The following NRK variants were observed in gnomAD, a reference collection of about 807,000 sequenced individuals.
NRK encodes the protein nik-related protein kinase.
A neutral mutation model predicts 125.2 loss-of-function variants in NRK; 67 were observed. The ratio of observed to expected loss-of-function variants is 0.54; its 90% CI spans 0.44 to 0.66. NRK has a LOEUF of 0.66. NRK is among the 30% of genes least tolerant of loss of function. The pLI is 0.00. For missense variants in NRK, 1,224 were observed against 1,192.9 expected, an observed-to-expected ratio of 1.03 and a Z score of -0.38; for synonymous variants, 458 against 429.0, an observed-to-expected ratio of 1.07 and a Z score of -0.84.
chrX:105,926,133 A>G (rs900625401), intron 19 of NRK, among the ~76,000 whole-genome samples: 5 of 111,422 alleles, frequency 4.5e-5, no homozygotes, highest in African/African-American at 1.6e-4. Context: ...TTTGATAATA[A>G]CCATTCTAAC....
chrX:105,867,067 C>T (rs777473040), intron 2 of NRK, among the ~76,000 whole-genome samples: 1 of 111,060 alleles, frequency 9.0e-6, no homozygotes, highest in African/African-American at 3.3e-5. Context: ...AAAAATTATT[C>T]TTGCTCAATC....
At chrX:105,937,196 A>G (rs1357633602) in intron 21 of NRK, among the ~76,000 whole-genome samples, 1 of 110,194 alleles carries the variant, frequency 9.1e-6, no homozygotes, top group African/African-American at 3.3e-5. Context: ...TAGAGAGTAC[A>G]TAGTTACACA....
At chrX:105,954,617 C>G (rs1038733069) in intron 28 of NRK, among the ~76,000 whole-genome samples, 4 of 110,859 alleles carry the variant, frequency 3.6e-5, no homozygotes, top group Non-Finnish European at 5.7e-5. Context: ...ATTAGAGACT[C>G]CCTGCTTCCC....
chrX:105,922,057 T>A lies in NRK; in HGVS notation c.2606T>A (p.Ile869Asn), dbSNP rs1314624431. ...STIDQKLLVDIHVPDGFKVGK... is the reference protein window; with the variant it reads ...STIDQKLLVDNHVPDGFKVGK... ...ATTGATCAGAAGTTGCTGGTTGACA[T>A]CCATGTAAGTTTCCATCTTAACACA... The change falls in exon 17 of 29, where the codon ATC becomes AAC. Residue 869 changes from isoleucine (I) to asparagine (N), a missense_variant. Ile to Asn is a moderately radical substitution (Grantham distance 149). Transcript: ENST00000243300. 3 of 1,049,923 alleles carry A rather than the reference T, an allele frequency of 2.9e-6. No homozygotes were observed. The Admixed American group carries it at 6.7e-5, about 23-fold the overall frequency. The allele number at this position is 1,049,923 out of a possible 1,213,427, so 86.5% of individuals were successfully genotyped here.
intron 2 of NRK, among the ~76,000 whole-genome samples, chrX:105,849,527 A>G (rs1288438354): frequency 9.0e-6 from 1 of 111,584 alleles, no homozygotes; most frequent in Non-Finnish European, 1.9e-5. Flanking sequence ...CACAGTCCAA[A>G]ATCTCATCTG....
In NRK at chrX:105,836,589, A is replaced by C. The variant is rs141575045; in HGVS notation, c.123+5470A>C. 8.3e-4 allele frequency among the ~76,000 whole-genome samples: 93 copies of C among 112,221 alleles called. No homozygotes were observed. The East Asian group carries it at 0.02, about 24-fold the overall frequency. ...ACAATCTGGGAGTATGTAAATAAAC[A>C]CTTAAAAATGTTTATCCTCTTTACA... On this transcript the variant is annotated intron_variant, in intron 2 of 28. Coordinates refer to ENST00000243300, the MANE Select transcript of NRK (RefSeq NM_198465.4).
chrX:105,911,135 G>A (rs1331377092), intron 13 of NRK, among the ~76,000 whole-genome samples: 3 of 111,541 alleles, frequency 2.7e-5, no homozygotes, highest in African/African-American at 9.8e-5. Context: ...GTTAATAAGG[G>A]TGGTTTCATC....
At chrX:105,854,225 T>C (rs2039506527) in intron 2 of NRK, among the ~76,000 whole-genome samples, 1 of 112,125 alleles carries the variant, frequency 8.9e-6, no homozygotes, top group African/African-American at 3.2e-5. Flanking sequence ...CGTAGTGAGA[T>C]ACTTTGCAGA....
chrX:105,926,162 C>T (rs1358703433), intron 19 of NRK, among the ~76,000 whole-genome samples: 1 of 111,286 alleles, frequency 9.0e-6, no homozygotes, highest in Non-Finnish European at 1.9e-5. Flanking sequence ...GATAATATCT[C>T]ATTGTGGTTC....
At chrX:105,885,211 A>G (rs1394676110) in intron 4 of NRK, among the ~76,000 whole-genome samples, 1 of 112,421 alleles carries the variant, frequency 8.9e-6, no homozygotes, top group African/African-American at 3.2e-5. Flanking sequence ...TTAATTTACA[A>G]TCAAATAAAA....
In NRK at chrX:105,864,693, C is replaced by G. The variant is rs141160458; in HGVS notation, c.124-15506C>G. On this transcript the variant is annotated intron_variant, in intron 2 of 28. Coordinates refer to ENST00000243300, the MANE Select transcript of NRK (RefSeq NM_198465.4). ...GAGAGAAAAACTAGTTTCCCTTTGG[C>G]TTTCTGTAAGGCAAGACTTGGTCAT... Among the ~76,000 whole-genome samples, 543 of 111,596 alleles carry G rather than the reference C, an allele frequency of 4.9e-3. 1 individual carries two copies. Among genetic ancestry groups the G allele is most frequent in the Non-Finnish European group, 7.5e-3 (398 of 53,082 alleles).
intron 8 of NRK, among the ~76,000 whole-genome samples, chrX:105,900,299 G>A (rs757539510): frequency 9.0e-6 from 1 of 110,991 alleles, no homozygotes; most frequent in Admixed American, 9.6e-5. Flanking sequence ...CAACTGGTGG[G>A]TCTATGTAAT....
chrX:105,884,159 T>G (rs1372062736), intron 4 of NRK, among the ~76,000 whole-genome samples: 1 of 112,023 alleles, frequency 8.9e-6, no homozygotes, highest in Non-Finnish European at 1.9e-5. Context: ...AGAGGGAACC[T>G]ATCACTGAGA....
At chrX:105,841,625 G>A (rs1027584365) in intron 2 of NRK, among the ~76,000 whole-genome samples, 2 of 111,289 alleles carry the variant, frequency 1.8e-5, no homozygotes, top group Non-Finnish European at 3.8e-5. Flanking sequence ...GTAACATTTT[G>A]TATAAATCAT....
chrX:105,851,590 C>A (rs1245507047), intron 2 of NRK, among the ~76,000 whole-genome samples: 1 of 111,907 alleles, frequency 8.9e-6, no homozygotes, highest in Non-Finnish European at 1.9e-5. Context: ...AAGAGTGGGT[C>A]TCACCTTAAT....
chrX:105,853,507 G>A (rs1441726806), intron 2 of NRK, among the ~76,000 whole-genome samples: 1 of 111,651 alleles, frequency 9.0e-6, no homozygotes, highest in Admixed American at 9.6e-5. Flanking sequence ...CCAACCATGT[G>A]TGCACACGCG....
chrX:105,922,306 A>C (rs1276007189), intron 17 of NRK, among the ~76,000 whole-genome samples: 1 of 111,840 alleles, frequency 8.9e-6, no homozygotes, highest in Non-Finnish European at 1.9e-5. Flanking sequence ...GTCAGTTAGA[A>C]CATGTCTGGG....
chrX:105,934,122 T>C lies in NRK; in HGVS notation c.3313-136T>C, dbSNP rs1052130225. The C allele has an allele frequency of 4.5e-5, 17 of 379,051 alleles. No individual in the cohort carries two copies. In the Admixed American group the frequency reaches 4.9e-4, roughly 11 times the overall value. The allele number at this position is 379,051 out of a possible 1,213,427, so 31.2% of individuals were successfully genotyped here. On this transcript the variant is annotated intron_variant, in intron 19 of 28. Coordinates refer to ENST00000243300, the MANE Select transcript of NRK (RefSeq NM_198465.4). Reference sequence around the variant, plus strand: ...TTCTGATGACATTGTTGAGTTTTTCTAGTAAATGTGGATTTTATAAGAATG... The same window carrying C: ...TTCTGATGACATTGTTGAGTTTTTCCAGTAAATGTGGATTTTATAAGAATG...
At chrX:105,851,588 G>A (rs949910604) in intron 2 of NRK, among the ~76,000 whole-genome samples, 4 of 111,917 alleles carry the variant, frequency 3.6e-5, no homozygotes, top group African/African-American at 1.3e-4. Flanking sequence ...ATAAGAGTGG[G>A]TCTCACCTTA....
Sources: allele counts gnomAD v4.1 joint callset (sites outside exome capture counted in the v4.1 genomes callset), GRCh38; gene constraint gnomAD v4.1.1; transcripts MANE v1.5; gene names NCBI Gene and HGNC (gene_info 2026-07-23, HGNC 2026-07-21).